CABCOCO1: variants seen among roughly 807,000 people sequenced by gnomAD.
CABCOCO1 encodes the protein ciliary-associated calcium-binding coiled-coil protein 1.
In CABCOCO1, 28 loss-of-function variants were observed where a neutral mutation model predicts 35.7. The ratio of observed to expected loss-of-function variants is 0.78; its 90% CI spans 0.58 to 1.07. CABCOCO1 has a LOEUF of 1.07. Among genes scored for constraint, CABCOCO1 ranks in the 50% least tolerant of loss-of-function variants. CABCOCO1 has a pLI of 0.00. For synonymous variants in CABCOCO1, 95 were observed against 100.1 expected, an observed-to-expected ratio of 0.95 and a Z score of 0.30; for missense variants, 326 against 309.2, an observed-to-expected ratio of 1.05 and a Z score of -0.41.
At chr10:61,673,121 T>C (rs1839409741) in intron 2 of CABCOCO1, among the ~76,000 whole-genome samples, 1 of 152,196 alleles carries the variant, frequency 6.6e-6, no homozygotes, top group South Asian at 2.1e-4. Context: ...TAATGGGCAA[T>C]GCATTTTATT....
chr10:61,676,711 C>T (rs1395300612), intron 2 of CABCOCO1, among the ~76,000 whole-genome samples: 1 of 151,956 alleles, frequency 6.6e-6, no homozygotes, highest in East Asian at 1.9e-4. Context: ...AAAAAGTAAC[C>T]TATAGAGGAC....
chr10:61,730,676 T>C (rs1391750593), intron 5 of CABCOCO1, among the ~76,000 whole-genome samples: 3 of 152,110 alleles, frequency 2.0e-5, no homozygotes, highest in Non-Finnish European at 4.4e-5. Context: ...AAATATAATG[T>C]ACTGAATAAT....
At chr10:61,727,419 G>A (rs968770749) in intron 5 of CABCOCO1, among the ~76,000 whole-genome samples, 5 of 152,100 alleles carry the variant, frequency 3.3e-5, no homozygotes, top group African/African-American at 1.2e-4. Context: ...ATTGAAGAAA[G>A]ATTTGAATTG....
At chr10:61,682,135 AGAT>A (rs1223245248) in intron 3 of CABCOCO1, among the ~76,000 whole-genome samples, 1 of 152,186 alleles carries the variant, frequency 6.6e-6, no homozygotes, top group African/African-American at 2.4e-5. Context: ...AAATTTGAGA[AGAT>A]ATTTCTTTTT....
chr10:61,744,500 TAATCAGGGTCATC>T (rs1841614734), intron 5 of CABCOCO1, among the ~76,000 whole-genome samples: 1 of 152,178 alleles, frequency 6.6e-6, no homozygotes, highest in African/African-American at 2.4e-5. Flanking sequence ...AGCATCATTT[TAATCAGGGTCATC>T]AAGCAGCTCA....
At chr10:61,673,424 G>T (rs950717433) in intron 2 of CABCOCO1, among the ~76,000 whole-genome samples, 1 of 152,146 alleles carries the variant, frequency 6.6e-6, no homozygotes, top group African/African-American at 2.4e-5. Flanking sequence ...ATTGGCCATC[G>T]TGTGTAGAGA....
rs893444792 is a variant in CABCOCO1 at position 61,712,780 on chromosome 10, G to C, written c.552+22159G>C. Among the ~76,000 whole-genome samples the C allele has an allele frequency of 3.3e-5, 5 of 152,170 alleles. No homozygotes were observed. The East Asian group carries it at 9.6e-4, about 29-fold the overall frequency. On this transcript the variant is annotated intron_variant, in intron 5 of 7. Transcript: ENST00000648843. ...ATAGGGAATCCTTTCCCCATTTCTT[G>C]TTTTTGTCAGGTTTGTCAAAGATCC...
intron 5 of CABCOCO1, among the ~76,000 whole-genome samples, chr10:61,694,529 A>C (rs1485716502): frequency 6.6e-6 from 1 of 151,852 alleles, no homozygotes; most frequent in African/African-American, 2.4e-5. Context: ...CCAATTTATT[A>C]ACAGATTCAT....
At chr10:61,706,579 T>G (rs1304417024) in intron 5 of CABCOCO1, among the ~76,000 whole-genome samples, 1 of 152,138 alleles carries the variant, frequency 6.6e-6, no homozygotes, top group East Asian at 1.9e-4. Flanking sequence ...ACATAAACAG[T>G]CCTATGTTAA....
chr10:61,761,585 C>G (rs1842010575), intron 7 of CABCOCO1, among the ~76,000 whole-genome samples: 1 of 152,110 alleles, frequency 6.6e-6, no homozygotes, highest in Admixed American at 6.6e-5. Flanking sequence ...AAAAAACAAA[C>G]AGCCATTTCT....
chr10:61,765,894 A>G, intron 7 of CABCOCO1, 45 bp from the exon 8 acceptor site: 1 of 1,544,736 alleles, frequency 6.5e-7, no homozygotes, highest in Non-Finnish European at 8.9e-7. Flanking sequence ...TGTGCAGCAA[A>G]AGATAGCTCC....
intron 5 of CABCOCO1, among the ~76,000 whole-genome samples, chr10:61,715,422 C>T (rs1330057959): frequency 6.6e-6 from 1 of 151,974 alleles, no homozygotes; most frequent in East Asian, 1.9e-4. Context: ...ATGTGAGAGG[C>T]ATCTCCTGAA....
At chr10:61,681,006 G>T (rs1839774656) in intron 2 of CABCOCO1, 137 bp from the exon 3 acceptor site, 1 of 374,378 alleles carries the variant, frequency 2.7e-6, no homozygotes, top group Non-Finnish European at 4.3e-6. Context: ...ATGTCATTTT[G>T]GTCTTATGAA....
chr10:61,685,977 G>C, intron 3 of CABCOCO1, 64 bp from the exon 4 acceptor site: 2 of 1,428,296 alleles, frequency 1.4e-6, no homozygotes, highest in Non-Finnish European at 1.9e-6. Context: ...AAACATCTTG[G>C]ATTATCTTAT....
chr10:61,745,334 C>G lies in CABCOCO1; in HGVS notation c.553-14725C>G, dbSNP rs553204999. On this transcript the variant is annotated intron_variant, in intron 5 of 7. Transcript: ENST00000648843. ...CCAGGTCACTTAATACCACTTATTC[C>G]TCTGGCTTTGGGTAACTATTATGAG... 6.6e-5 allele frequency among the ~76,000 whole-genome samples: 10 copies of G among 152,138 alleles called. No homozygotes were observed. In the East Asian group the frequency reaches 1.9e-3, roughly 29 times the overall value.
At position 61,760,924 on chromosome 10, in the gene CABCOCO1, A is replaced by C; in HGVS notation, c.737A>C (p.Asp246Ala). ...CCAGAAACTGACACCTCAGACATGG[A>C]TCCTTTAGTTGGTTTTACCATTGAA... is the stretch of plus-strand genomic sequence containing the variant. ...SQPETDTSDM[D>A]PLVGFTIEDV... The change falls in exon 7 of 8, where the codon GAT becomes GCT. Residue 246 changes from aspartate to alanine, a missense_variant. By Grantham distance (126) the Asp-to-Ala change is moderately radical (BLOSUM62 -2). Transcript: ENST00000648843. The C allele has an allele frequency of 6.2e-7, 1 of 1,612,780 alleles. No individual in the cohort carries two copies. The highest frequency in any genetic ancestry group is 1.3e-5 in the African/African-American group (1 of 74,932).
chr10:61,750,436 C>T (rs148147725), intron 5 of CABCOCO1, among the ~76,000 whole-genome samples: 11 of 152,142 alleles, frequency 7.2e-5, no homozygotes, highest in South Asian at 2.1e-4. Context: ...ATTAGCCTAG[C>T]GTGGTGGCGG....
chr10:61,727,948 T>G (rs1263615912), intron 5 of CABCOCO1, among the ~76,000 whole-genome samples: 4 of 152,176 alleles, frequency 2.6e-5, no homozygotes, highest in Admixed American at 2.0e-4. Context: ...GAAGGCAAAG[T>G]GTTTTATCAA....
chr10:61,674,464 A>C (rs970908132), intron 2 of CABCOCO1, among the ~76,000 whole-genome samples: 2 of 152,152 alleles, frequency 1.3e-5, no homozygotes, highest in African/African-American at 4.8e-5. Context: ...TTTGTAAAAC[A>C]ATTTTCTTGA....
Sources: gnomAD v4.1 joint callset for allele counts (sites outside exome capture counted in the v4.1 genomes callset) on GRCh38, gnomAD v4.1.1 for gene constraint, MANE v1.5 for transcripts, NCBI Gene and HGNC (gene_info 2026-07-23, HGNC 2026-07-21) for gene names.